Variants in SLC4A1 observed in about 807,000 individuals in gnomAD.
The protein encoded by SLC4A1 is band 3 anion transport protein.
Under a neutral mutation model 93.1 loss-of-function variants are expected in SLC4A1, and 29 were observed. The observed-to-expected ratio is 0.31, with a 90% CI of 0.23 to 0.42. The LOEUF (loss-of-function observed/expected upper bound fraction) is 0.42. SLC4A1 is among the 20% of genes least tolerant of loss of function. The probability of loss-of-function intolerance (pLI) is 1.00; values close to 1 mark genes in which losing one functional copy is unlikely to be tolerated. For missense variants in SLC4A1, 965 were observed against 1,190.1 expected, an observed-to-expected ratio of 0.81 and a Z score of 2.78; for synonymous variants, 469 against 497.2, an observed-to-expected ratio of 0.94 and a Z score of 0.76.
intron 1 of SLC4A1, among the ~76,000 whole-genome samples, chr17:44,266,883 C>A (rs1384232231): frequency 6.6e-6 from 1 of 152,120 alleles, no homozygotes. Context: ...GGGGATTGAC[C>A]AGATGACAGG....
chr17:44,267,980 C>G, intron 1 of SLC4A1, 74 bp downstream of exon 1: 8 of 808,156 alleles, frequency 9.9e-6, no homozygotes, highest in Non-Finnish European at 9.0e-6. Flanking sequence ...GGCATAGATT[C>G]AGGCTGGGCA....
At position 44,259,115 on chromosome 17, in the gene SLC4A1, T is replaced by C. The variant is rs549888599; in HGVS notation, c.876+48A>G. On this transcript the variant is annotated intron_variant, in intron 9 of 19. Transcript: ENST00000262418. Reference sequence around the variant, plus strand: ...GTTGGAGAGCAGGCCTCAGCCACCATGCAGGTCCCAAGCTTCCCCAGCCCA... The same window carrying C: ...GTTGGAGAGCAGGCCTCAGCCACCACGCAGGTCCCAAGCTTCCCCAGCCCA... 1.2e-4 allele frequency: 184 copies of C among 1,596,394 alleles called. No individual in the cohort carries two copies. The South Asian group carries it at 1.9e-3, about 17-fold the overall frequency.
Position 44,251,444 on chromosome 17 carries a change from T to A in SLC4A1, c.2456A>T (p.His819Leu). ...ILLLFKPPKY[H>L]PDVPYVKRVK... is the part of the protein sequence containing the mutation. ...CCGCTTGACGTAGGGCACATCTGGG[T>A]GATACTTGGGTGGCTTGAACAGAAG... The change falls in exon 18 of 20, where the codon CAC (histidine) becomes CTC (leucine). Residue 819 changes from histidine (H) to leucine (L), a missense_variant. Physicochemically the swap from His to Leu is moderately conservative, Grantham distance 99 (BLOSUM62 -3). Coordinates refer to ENST00000262418, the MANE Select transcript of SLC4A1 (RefSeq NM_000342.4). 8 of 1,614,140 alleles carry A rather than the reference T, an allele frequency of 5.0e-6. No homozygotes were observed. Among genetic ancestry groups the A allele is most frequent in the Non-Finnish European group, 6.8e-6 (8 of 1,180,026 alleles).
intron 3 of SLC4A1, among the ~76,000 whole-genome samples, 198 bp from the exon 4 acceptor site, chr17:44,261,834 C>G (rs1300323531): frequency 6.6e-6 from 1 of 152,150 alleles, no homozygotes; most frequent in Non-Finnish European, 1.5e-5. Flanking sequence ...TGGGCCTAGC[C>G]TTGGGCTCCC....
intron 3 of SLC4A1, 69 bp from the exon 4 acceptor site, chr17:44,261,705 G>T: frequency 1.2e-6 from 2 of 1,613,136 alleles, no homozygotes; most frequent in South Asian, 1.1e-5. Context: ...CATCCACTGT[G>T]AGCCTCAGAG....
At chr17:44,251,119 G>A (rs1433799766) in intron 19 of SLC4A1, 40 bp downstream of exon 19, 1 of 1,560,476 alleles carries the variant, frequency 6.4e-7, no homozygotes, top group Non-Finnish European at 8.7e-7. Context: ...CCCCTCGCAT[G>A]CTCCCAGCTC....
chr17:44,263,287 G>A (rs1454356506), intron 1 of SLC4A1, among the ~76,000 whole-genome samples: 1 of 152,114 alleles, frequency 6.6e-6, no homozygotes, highest in East Asian at 1.9e-4. Flanking sequence ...AATACCAGGG[G>A]ACCTGCTGGT....
Position 44,258,757 on chromosome 17 carries a change from C to A in SLC4A1, c.877-134G>T. 1 of 826,082 alleles carries A rather than the reference C, an allele frequency of 1.2e-6. No homozygotes were observed. Among genetic ancestry groups the A allele is most frequent in the East Asian group, 2.7e-5 (1 of 37,554 alleles). The allele number at this position is 826,082 out of a possible 1,614,324, so 51.2% of individuals were successfully genotyped here. ...CATTGCCAGGAACTGCTTTTCCTGCCCGCTCCCACCCCTACTCTCCCCACT... is the reference window on the plus strand; with the variant it reads ...CATTGCCAGGAACTGCTTTTCCTGCACGCTCCCACCCCTACTCTCCCCACT... On this transcript the variant is annotated intron_variant, in intron 9 of 19. Transcript: ENST00000262418. The surrounding 1 kb of genome is among the most constrained non-coding windows in gnomAD (Gnocchi z 6.1).
At position 44,252,299 on chromosome 17, in the gene SLC4A1, G is replaced by A. The variant is rs554483874; in HGVS notation, c.2312-711C>T. ...ACCTGCCTCAGTCTCCCAAAGTGCTGGGATTACAGGCGTGAGCCACAACCC... is the reference window on the plus strand; with the variant it reads ...ACCTGCCTCAGTCTCCCAAAGTGCTAGGATTACAGGCGTGAGCCACAACCC... On this transcript the variant is annotated intron_variant, in intron 17 of 19. Transcript: ENST00000262418. 2.0e-5 allele frequency among the ~76,000 whole-genome samples: 3 copies of A among 152,086 alleles called. No homozygotes were observed. The South Asian group carries it at 6.2e-4, about 32-fold the overall frequency.
chr17:44,258,293 C>T lies in SLC4A1; in HGVS notation c.1088-113G>A. The T allele has an allele frequency of 7.0e-7, 1 of 1,427,018 alleles. No homozygotes were observed. Among genetic ancestry groups the T allele is most frequent in the Non-Finnish European group, 9.9e-7 (1 of 1,012,520 alleles). The allele number at this position is 1,427,018 out of a possible 1,614,324, so 88.4% of individuals were successfully genotyped here. ...GATGGGAATGGGGCGGCGAAGAAGT[C>T]TGGAAGATGTGGGCAAAGGGAGCGA... is the stretch of plus-strand genomic sequence containing the variant. On this transcript the variant is annotated intron_variant, in intron 10 of 19. Transcript: ENST00000262418. The surrounding 1 kb of genome is among the most constrained non-coding windows in gnomAD (Gnocchi z 6.1).
At position 44,258,183 on chromosome 17, in the gene SLC4A1, G is replaced by C; in HGVS notation, c.1088-3C>G. On this transcript the variant is annotated splice_polypyrimidine_tract_variant and splice_region_variant and intron_variant, in intron 10 of 19. Coordinates refer to ENST00000262418, the MANE Select transcript of SLC4A1 (RefSeq NM_000342.4). The surrounding 1 kb of genome is among the most constrained non-coding windows in gnomAD (Gnocchi z 6.1). Reference sequence around the variant, plus strand: ...GTCATCTGGGCCCCCATTTAAGTCTGTGGTGGAGGATAAGAGCATGGTCAG... The same window carrying C: ...GTCATCTGGGCCCCCATTTAAGTCTCTGGTGGAGGATAAGAGCATGGTCAG... The C allele has an allele frequency of 6.2e-7, 1 of 1,613,914 alleles. No homozygotes were observed. Among genetic ancestry groups the C allele is most frequent in the Non-Finnish European group, 8.5e-7 (1 of 1,179,906 alleles).
chr17:44,251,042 T>G, intron 19 of SLC4A1, 117 bp downstream of exon 19: 2 of 1,164,350 alleles, frequency 1.7e-6, no homozygotes, highest in Admixed American at 2.0e-5. Context: ...GGCCAGAACC[T>G]GGACACCAGC....
At chr17:44,250,920 G>A (rs571965806) in intron 19 of SLC4A1, among the ~76,000 whole-genome samples, 160 of 152,266 alleles carry the variant, frequency 1.1e-3, no homozygotes, top group African/African-American at 3.7e-3. Flanking sequence ...CACCCTGTCT[G>A]CCTCTTGACG....
In SLC4A1 at chr17:44,248,900, C is replaced by T. The variant is rs1319142335; in HGVS notation, c.*1558G>A. 1 of 138,198 alleles carries T rather than the reference C, an allele frequency of 7.2e-6. No individual in the cohort carries two copies. Among genetic ancestry groups the T allele is most frequent in the Admixed American group, 1.1e-4 (1 of 9,334 alleles). 8.6% of individuals were successfully genotyped at this position (138,198 alleles called of 1,614,324 possible). Reference sequence around the variant, plus strand: ...TTTGAGACAGGGTCTCGCTCTGTTGCCCAGGCTGGAGTGCAGTGGTGCAAT... The same window carrying T: ...TTTGAGACAGGGTCTCGCTCTGTTGTCCAGGCTGGAGTGCAGTGGTGCAAT... On this transcript the variant is annotated 3_prime_UTR_variant, in exon 20 of 20. Transcript: ENST00000262418.
chr17:44,255,873 T>C, intron 13 of SLC4A1, 27 bp from the exon 14 acceptor site: 1 of 1,613,658 alleles, frequency 6.2e-7, no homozygotes, highest in Non-Finnish European at 8.5e-7. Context: ...AGGCATTCTG[T>C]TCTCTCCCAG....
intron 1 of SLC4A1, among the ~76,000 whole-genome samples, chr17:44,266,329 TAGGCCTCAGATGCTA>T (rs2047495791): frequency 6.6e-6 from 1 of 152,188 alleles, no homozygotes; most frequent in African/African-American, 2.4e-5. Context: ...TGCACTTTCT[TAGGCCTCAGATGCTA>T]AGGCCTCCAG....
In SLC4A1 at chr17:44,262,952, G is replaced by A; in HGVS notation, c.-68-18C>T. 6.2e-7 allele frequency: 1 copy of A among 1,606,976 alleles called. No homozygotes were observed. The highest frequency in any genetic ancestry group is 8.5e-7 in the Non-Finnish European group (1 of 1,177,508). On this transcript the variant is annotated intron_variant, in intron 1 of 19. Transcript: ENST00000262418. Reference sequence around the variant, plus strand: ...GCGGGTCCCTGCAGCAGAGGGCACAGGCTGAGTGGGGCACAGGGCATCCCA... The same window carrying A: ...GCGGGTCCCTGCAGCAGAGGGCACAAGCTGAGTGGGGCACAGGGCATCCCA...
At chr17:44,260,126 G>A (rs2047429602) in intron 6 of SLC4A1, among the ~76,000 whole-genome samples, 194 bp from the exon 7 acceptor site, 1 of 152,184 alleles carries the variant, frequency 6.6e-6, no homozygotes, top group East Asian at 1.9e-4. Context: ...CGTTGTAGAT[G>A]TAAGTGGGTG....
intron 14 of SLC4A1, 63 bp downstream of exon 14, chr17:44,255,610 C>G: frequency 6.6e-7 from 1 of 1,522,156 alleles, no homozygotes; most frequent in South Asian, 1.1e-5. Context: ...GAATTTGGAG[C>G]GGGGGGGCTT....
Sources: gnomAD v4.1 joint callset for allele counts (sites outside exome capture counted in the v4.1 genomes callset) on GRCh38, gnomAD v4.1.1 for gene constraint, Gnocchi (gnomAD v3.1) non-coding constraint, MANE v1.5 for transcripts, NCBI Gene and HGNC (gene_info 2026-07-23, HGNC 2026-07-21) for gene names.